Variants in POLM observed in about 807,000 individuals in gnomAD.
POLM encodes the protein DNA polymerase mu.
POLM carries 52 observed loss-of-function variants against 56.7 expected under a neutral mutation model. The observed-to-expected ratio is 0.92, with a 90% CI of 0.73 to 1.15. The LOEUF (loss-of-function observed/expected upper bound fraction) is 1.15, where lower values mean the gene tolerates loss of function less well. Among genes scored for constraint, POLM ranks in the 50% most tolerant of loss-of-function variants. POLM has a pLI of 0.00. For synonymous variants in POLM, 273 were observed against 274.3 expected, an observed-to-expected ratio of 1.00 and a Z score of 0.05; for missense variants, 660 against 663.6, an observed-to-expected ratio of 0.99 and a Z score of 0.06.
chr7:44,079,637 A>C lies in POLM; in HGVS notation c.576T>G (p.Pro192=). 1 of 1,613,814 alleles carries C rather than the reference A, an allele frequency of 6.2e-7. No individual in the cohort carries two copies. Among genetic ancestry groups the C allele is most frequent in the Non-Finnish European group, 8.5e-7 (1 of 1,179,942 alleles). The change falls in exon 4 of 11, where the codon CCT becomes CCG. Residue 192 remains proline, a synonymous_variant. Coordinates refer to ENST00000242248, the MANE Select transcript of POLM (RefSeq NM_013284.4). ...CCTGCAGCTGGCTCAGGGTTGTGAC[A>C]GGGCTGGGAAGGGCCTTGAGCACCG... ...AASVLKALPS[P]VTTLSQLQGL...
intron 4 of POLM, among the ~76,000 whole-genome samples, chr7:44,079,356 C>A (rs945367401): frequency 6.6e-6 from 1 of 152,146 alleles, no homozygotes; most frequent in Non-Finnish European, 1.5e-5. Context: ...CCCCTCACAG[C>A]GCCATTCACT....
intron 5 of POLM, chr7:44,076,843 T>G: frequency 1.8e-6 from 1 of 566,678 alleles, no homozygotes; most frequent in Non-Finnish European, 3.2e-6. Flanking sequence ...CACACCCCTC[T>G]CCTCTCCTCT....
intron 1 of POLM, 33 bp downstream of exon 1, chr7:44,082,218 T>C: frequency 7.1e-7 from 1 of 1,416,576 alleles, no homozygotes; most frequent in Non-Finnish European, 9.2e-7. Flanking sequence ...AGAAGTGCCA[T>C]GGAAGCCCTC....
Position 44,074,400 on chromosome 7 carries a change from G to A in POLM, c.966C>T (p.Arg322=). 6.4e-7 allele frequency: 1 copy of A among 1,555,138 alleles called. No homozygotes were observed. The highest frequency in any genetic ancestry group is 1.2e-5 in the South Asian group (1 of 84,338). ...AGGGGCACGTCGGGCCTTCTTACCTGCGGAAGCCGCCGGTCAGCGTGACGG... is the reference window on the plus strand; with the variant it reads ...AGGGGCACGTCGGGCCTTCTTACCTACGGAAGCCGCCGGTCAGCGTGACGG... ...GATVTLTGGF[R]RGKLQGHDVD... is the part of the protein sequence containing the mutation. Residue 322 remains arginine (R), a splice_region_variant and synonymous_variant, in exon 7 of 11, where the codon CGC becomes CGT. Coordinates refer to ENST00000242248, the MANE Select transcript of POLM (RefSeq NM_013284.4).
intron 5 of POLM, among the ~76,000 whole-genome samples, chr7:44,077,926 A>T (rs1315493357): frequency 6.6e-6 from 1 of 152,198 alleles, no homozygotes; most frequent in Non-Finnish European, 1.5e-5. Context: ...AAGCAGGCAC[A>T]CCCGAGGCAT....
chr7:44,077,497 T>C (rs1046176786), intron 5 of POLM, among the ~76,000 whole-genome samples: 3 of 152,160 alleles, frequency 2.0e-5, no homozygotes, highest in South Asian at 2.1e-4. Flanking sequence ...AATGATGAGA[T>C]TAACCCAATT....
chr7:44,074,365 G>T lies in POLM; in HGVS notation c.968+33C>A, dbSNP rs747134329. On this transcript the variant is annotated intron_variant, in intron 7 of 10. Transcript: ENST00000242248. ...TCCCTTCACTGGGGAGGGGTCTGAA[G>T]CCAAGCCAGAGGGGCACGTCGGGCC... 9.0e-6 allele frequency: 14 copies of T among 1,550,918 alleles called. No individual in the cohort carries two copies. In the East Asian group the frequency reaches 3.4e-4, roughly 38 times the overall value.
At chr7:44,076,684 T>C (rs1586017994) in intron 5 of POLM, 55 bp from the exon 6 acceptor site, 4 of 1,604,486 alleles carry the variant, frequency 2.5e-6, no homozygotes, top group Non-Finnish European at 3.4e-6. Flanking sequence ...TAGACTCGGA[T>C]GATCACCCGC....
At chr7:44,078,443 G>A in intron 5 of POLM, 1 of 375,014 alleles carries the variant, frequency 2.7e-6, no homozygotes, top group Admixed American at 4.3e-5. Context: ...TCCAGCCTGG[G>A]CGACAGAGCG....
intron 5 of POLM, 56 bp downstream of exon 5, chr7:44,078,684 T>C (rs2096190516): frequency 6.7e-7 from 1 of 1,493,220 alleles, no homozygotes; most frequent in Non-Finnish European, 9.3e-7. Flanking sequence ...GTGGACTGTG[T>C]TGTCATTCCC....
chr7:44,080,977 T>A (rs2096198326), intron 1 of POLM, 61 bp from the exon 2 acceptor site: 4 of 1,407,970 alleles, frequency 2.8e-6, no homozygotes, highest in Non-Finnish European at 2.9e-6. Flanking sequence ...CCTGGTTGGC[T>A]CCAAGCCTTC....
Position 44,073,634 on chromosome 7 carries a change from G to A in POLM, c.1389C>T (p.Asp463=), listed in dbSNP as rs1053076605. 1 of 1,614,110 alleles carries A rather than the reference G, an allele frequency of 6.2e-7. No homozygotes were observed. Among genetic ancestry groups the A allele is most frequent in the Non-Finnish European group, 8.5e-7 (1 of 1,179,988 alleles). The change falls in exon 10 of 11, where the codon GAC becomes GAT. Residue 463 remains aspartate, a synonymous_variant. Coordinates refer to ENST00000242248, the MANE Select transcript of POLM (RefSeq NM_013284.4). ...GLWLNSHGLF[D]PEQKTFFQAA... ...GTCCCCAACAATGTACCTGCTCCGGGTCAAACAGCCCATGGCTGTTCAGCC... is the reference window on the plus strand; with the variant it reads ...GTCCCCAACAATGTACCTGCTCCGGATCAAACAGCCCATGGCTGTTCAGCC...
chr7:44,080,430 G>A (rs536754994), intron 2 of POLM: 23 of 586,076 alleles, frequency 3.9e-5, no homozygotes, highest in Admixed American at 1.9e-4. Flanking sequence ...GGGTCATCCC[G>A]CTCGGAGTTG....
At position 44,082,397 on chromosome 7, in the gene POLM, G is replaced by A. The variant is rs2096202868; in HGVS notation, c.42C>T (p.Ser14=). ...KRRRARVGSP[S]GDAASSTPPS... is the part of the protein sequence containing the mutation. ...GCGGCGTGGAGGAAGCGGCATCGCC[G>A]CTAGGGGACCCGACCCGCGCTCGCC... The change falls in exon 1 of 11, where the codon AGC becomes AGT. Residue 14 remains serine, a synonymous_variant. Transcript: ENST00000242248. The A allele has an allele frequency of 1.3e-6, 2 of 1,505,372 alleles. No homozygotes were observed. Among genetic ancestry groups the A allele is most frequent in the Non-Finnish European group, 1.8e-6 (2 of 1,136,702 alleles). 93.3% of individuals were successfully genotyped at this position (1,505,372 alleles called of 1,614,324 possible). A position where few individuals can be genotyped will look rare whatever the true frequency, so the allele number is the denominator to read the frequency against.
chr7:44,076,627 G>A lies in POLM; in HGVS notation c.717C>T (p.Leu239=). The part of the protein sequence containing the change: ...RRSERYQTMK[L]FTQIFGVGVK... ...CACCGACCCCGAAGATCTGGGTGAA[G>A]AGCTGTGGGGAAGGAGCGTAGCCCG... Residue 239 remains leucine (L), a splice_region_variant and synonymous_variant, in exon 6 of 11, where the codon CTC becomes CTT. Coordinates refer to ENST00000242248, the MANE Select transcript of POLM (RefSeq NM_013284.4). 1 of 1,613,936 alleles carries A rather than the reference G, an allele frequency of 6.2e-7. No homozygotes were observed. The highest frequency in any genetic ancestry group is 8.5e-7 in the Non-Finnish European group (1 of 1,179,948).
At chr7:44,078,871 G>T in intron 4 of POLM, 60 bp from the exon 5 acceptor site, 1 of 1,438,284 alleles carries the variant, frequency 7.0e-7, no homozygotes, top group Non-Finnish European at 9.7e-7. Flanking sequence ...AGAGAAGGGC[G>T]GGGAGTTAGG....
At chr7:44,074,852 T>A (rs962117975) in intron 6 of POLM, among the ~76,000 whole-genome samples, 1 of 152,342 alleles carries the variant, frequency 6.6e-6, no homozygotes, top group Admixed American at 6.5e-5. Flanking sequence ...AAAACTATAA[T>A]TTTGCAACCA....
intron 5 of POLM, among the ~76,000 whole-genome samples, chr7:44,077,890 C>G (rs893539004): frequency 4.6e-5 from 7 of 152,212 alleles, no homozygotes; most frequent in African/African-American, 1.7e-4. Flanking sequence ...CCTCCAGCCA[C>G]AAAGCCAGTT....
At chr7:44,080,073 T>C (rs1021190001) in intron 2 of POLM, 114 bp from the exon 3 acceptor site, 2 of 750,902 alleles carry the variant, frequency 2.7e-6, no homozygotes, top group African/African-American at 3.4e-5. Context: ...CTGGAGCTCA[T>C]GGGACAGAGG....
Sources: allele counts gnomAD v4.1 joint callset (sites outside exome capture counted in the v4.1 genomes callset), GRCh38; gene constraint gnomAD v4.1.1; transcripts MANE v1.5; gene names NCBI Gene and HGNC (gene_info 2026-07-23, HGNC 2026-07-21).